The following NELL1 variants were observed in gnomAD, a reference collection of about 807,000 sequenced individuals.
NELL1 encodes the protein neural EGFL like 1, also known as protein kinase C-binding protein NELL1.
In NELL1, 76 loss-of-function variants were observed where a neutral mutation model predicts 107.4. That is an observed-to-expected ratio of 0.71 (90% CI 0.59 to 0.86). NELL1 has a LOEUF of 0.86. NELL1 is among the 40% of genes least tolerant of loss of function. The pLI is 0.00. For missense variants in NELL1, 1,024 were observed against 1,005.5 expected (o/e 1.02, Z -0.25); for synonymous variants, 353 against 341.2 (o/e 1.03, Z -0.38).
At chr11:21,120,796 G>T (rs1302698942) in intron 13 of NELL1, among the ~76,000 whole-genome samples, 1 of 152,076 alleles carries the variant, frequency 6.6e-6, no homozygotes, top group Admixed American at 6.6e-5. Flanking sequence ...TACTACTTTT[G>T]CATATTTCAA....
intron 5 of NELL1, among the ~76,000 whole-genome samples, chr11:20,897,779 A>T (rs1434935424): frequency 6.6e-6 from 1 of 152,266 alleles, no homozygotes; most frequent in African/African-American, 2.4e-5. Flanking sequence ...ACACTTCTTA[A>T]AAGAAGACAT....
At chr11:20,881,482 G>C (rs1466582710) in intron 4 of NELL1, among the ~76,000 whole-genome samples, 1 of 152,102 alleles carries the variant, frequency 6.6e-6, no homozygotes. Context: ...AACCAAGGAC[G>C]AGTTATTTGA....
rs559778403 is a variant in NELL1, at chr11:20,898,313, T to C, written c.603+12773T>C. On this transcript the variant is annotated intron_variant, in intron 5 of 19. Coordinates refer to ENST00000357134, the MANE Select transcript of NELL1 (RefSeq NM_006157.5). ...GAAACCATCATTCTCAGTAAACTAT[T>C]GCGAGGACAAAAAACCAAACACTGC... Among the ~76,000 whole-genome samples the C allele has an allele frequency of 5.9e-5, 9 of 152,012 alleles. 1 individual carries two copies. Among genetic ancestry groups the C allele is most frequent in the African/African-American group, 2.2e-4 (9 of 41,468 alleles).
Position 21,182,075 on chromosome 11 carries a change from G to A in NELL1, c.1427-47257G>A, listed in dbSNP as rs558479843. ...TAACTTCCCTTTTAACTTTATCACAGCTACCAGATGGTGGAGCTGAGATTC... is the reference window on the plus strand; with the variant it reads ...TAACTTCCCTTTTAACTTTATCACAACTACCAGATGGTGGAGCTGAGATTC... On this transcript the variant is annotated intron_variant, in intron 13 of 19. Coordinates refer to ENST00000357134, the MANE Select transcript of NELL1 (RefSeq NM_006157.5). Among the ~76,000 whole-genome samples the A allele has an allele frequency of 1.4e-4, 22 of 151,960 alleles. No homozygotes were observed. In the South Asian group the frequency reaches 4.6e-3, roughly 31 times the overall value.
intron 16 of NELL1, among the ~76,000 whole-genome samples, chr11:21,540,709 A>C (rs371126361): frequency 6.6e-6 from 1 of 152,012 alleles, no homozygotes; most frequent in South Asian, 2.1e-4. Flanking sequence ...ATGAGAACCC[A>C]CTCACCATCA....
At chr11:20,875,759 T>C (rs1849291536) in intron 4 of NELL1, among the ~76,000 whole-genome samples, 1 of 152,128 alleles carries the variant, frequency 6.6e-6, no homozygotes, top group Non-Finnish European at 1.5e-5. Context: ...GAAGGGTTGG[T>C]AAGAAGTAGT....
At chr11:21,375,885 C>CAGTTTTTTT (rs79980341) in intron 15 of NELL1, among the ~76,000 whole-genome samples, 2,111 of 151,290 alleles carry the variant, frequency 0.014, 23 homozygotes, top group South Asian at 0.073. Context: ...TGTCTCTTGT[C>CAGTTTTTTT]AATGGAGTTA....
At chr11:20,863,177 C>T (rs998752367) in intron 4 of NELL1, among the ~76,000 whole-genome samples, 3 of 135,048 alleles carry the variant, frequency 2.2e-5, no homozygotes, top group East Asian at 2.1e-4. Flanking sequence ...AAGGGGTGGC[C>T]GGGCAGAGGC....
At chr11:21,171,513 T>C (rs1185113780) in intron 13 of NELL1, among the ~76,000 whole-genome samples, 2 of 151,918 alleles carry the variant, frequency 1.3e-5, no homozygotes, top group African/African-American at 4.9e-5. Context: ...TTCTATGTTA[T>C]TAGCATTTTA....
chr11:21,371,505 A>G (rs1415750286), intron 15 of NELL1, among the ~76,000 whole-genome samples: 1 of 152,132 alleles, frequency 6.6e-6, no homozygotes, highest in Non-Finnish European at 1.5e-5. Flanking sequence ...TCTATTTGCA[A>G]TAAATGTTGT....
intron 15 of NELL1, among the ~76,000 whole-genome samples, chr11:21,498,335 A>T (rs929982067): frequency 6.5e-5 from 4 of 61,642 alleles, no homozygotes; most frequent in Non-Finnish European, 2.1e-4. Flanking sequence ...TAAACATATT[A>T]TATATATATA....
At chr11:21,498,779 GC>G (rs1275579966) in intron 15 of NELL1, among the ~76,000 whole-genome samples, 3 of 151,950 alleles carry the variant, frequency 2.0e-5, no homozygotes, top group African/African-American at 7.2e-5. Context: ...TAGGAGAGTT[GC>G]TTTTCTACAT....
At chr11:21,031,345 A>T (rs779062137) in intron 12 of NELL1, among the ~76,000 whole-genome samples, 1 of 152,148 alleles carries the variant, frequency 6.6e-6, no homozygotes, top group Non-Finnish European at 1.5e-5. Context: ...AATTCTTTTC[A>T]GGTATAATGC....
chr11:21,474,274 G>A (rs1298233392), intron 15 of NELL1, among the ~76,000 whole-genome samples: 4 of 151,988 alleles, frequency 2.6e-5, no homozygotes, highest in Admixed American at 6.6e-5. Context: ...CCCCCAGAGA[G>A]CCCTGTGGTT....
intron 12 of NELL1, among the ~76,000 whole-genome samples, chr11:21,099,499 G>A (rs1235597573): frequency 1.5e-4 from 23 of 152,146 alleles, no homozygotes; most frequent in African/African-American, 2.4e-5. Flanking sequence ...TTGAGGAGAC[G>A]CTGGCTTTCG....
chr11:21,394,379 A>G (rs1243002023), intron 15 of NELL1, among the ~76,000 whole-genome samples: 1 of 151,506 alleles, frequency 6.6e-6, no homozygotes, highest in Non-Finnish European at 1.5e-5. Flanking sequence ...GAACTCATGT[A>G]AGGTATATAT....
chr11:21,233,822 A>G (rs1858127599), intron 14 of NELL1, among the ~76,000 whole-genome samples: 1 of 152,334 alleles, frequency 6.6e-6, no homozygotes, highest in Non-Finnish European at 1.5e-5. Context: ...CTTCTCTCTT[A>G]TCTGTCATTA....
intron 15 of NELL1, among the ~76,000 whole-genome samples, chr11:21,528,057 C>T (rs1432417722): frequency 6.6e-6 from 1 of 152,142 alleles, no homozygotes; most frequent in African/African-American, 2.4e-5. Context: ...AACCATCACA[C>T]TAATAGAGGC....
rs117034880 is a variant in NELL1 at position 21,539,165 on chromosome 11, T to A, written c.1786+4651T>A. On this transcript the variant is annotated intron_variant, in intron 16 of 19. Transcript: ENST00000357134. ...TGTGACAAAGATGTGGCTTGTCTGA[T>A]CACCTGCCATGTGCTCCCAAACTCC... Among the ~76,000 whole-genome samples, 745 of 152,194 alleles carry A rather than the reference T, an allele frequency of 4.9e-3. 6 individuals carry two copies. The highest frequency in any genetic ancestry group is 0.01 in the Middle Eastern group (3 of 294).
Sources: gnomAD v4.1 joint callset for allele counts (sites outside exome capture counted in the v4.1 genomes callset) on GRCh38, gnomAD v4.1.1 for gene constraint, MANE v1.5 for transcripts, NCBI Gene and HGNC (gene_info 2026-07-23, HGNC 2026-07-21) for gene names.